Variants in FAM117A observed in about 807,000 individuals in gnomAD.
FAM117A encodes the protein family with sequence similarity 117 member A.
In FAM117A, 21 loss-of-function variants were observed where a neutral mutation model predicts 44.1. The ratio of observed to expected loss-of-function variants is 0.48; its 90% CI spans 0.34 to 0.69. The LOEUF (loss-of-function observed/expected upper bound fraction) is 0.69, where lower values mean the gene tolerates loss of function less well. Ranked by LOEUF, FAM117A falls within the 30% of genes least tolerant of loss-of-function variation. The probability of loss-of-function intolerance (pLI) is 0.01; values close to 1 mark genes in which losing one functional copy is unlikely to be tolerated. For synonymous variants in FAM117A, 220 were observed against 238.3 expected (o/e 0.92, Z 0.71); for missense variants, 498 against 589.9 (o/e 0.84, Z 1.61).
intron 7 of FAM117A, among the ~76,000 whole-genome samples, chr17:49,713,109 A>C (rs2073486177): frequency 6.6e-6 from 1 of 152,132 alleles, no homozygotes; most frequent in African/African-American, 2.4e-5. Context: ...GCTGGTCTTG[A>C]ACTCCTGGGC....
At chr17:49,755,038 CAAAAAAAAAAAAA>C (rs199709334) in intron 1 of FAM117A, among the ~76,000 whole-genome samples, 1 of 43,246 alleles carries the variant, frequency 2.3e-5, no homozygotes, top group Admixed American at 2.2e-4. Context: ...AACTCCGTCT[CAAAAAAAAAAAAA>C]AAAAAAAAAG....
chr17:49,753,103 T>G (rs867224135), intron 1 of FAM117A, among the ~76,000 whole-genome samples: 15 of 152,150 alleles, frequency 9.9e-5, no homozygotes, highest in Middle Eastern at 3.2e-3. Flanking sequence ...CCTCAAGTGA[T>G]CTGCCCGCCT....
intron 1 of FAM117A, among the ~76,000 whole-genome samples, chr17:49,761,082 T>C (rs913326244): frequency 5.3e-5 from 8 of 152,160 alleles, no homozygotes; most frequent in African/African-American, 1.9e-4. Flanking sequence ...TAATATATCT[T>C]GTCAAGAACA....
At chr17:49,724,268 G>A in intron 2 of FAM117A, 1 of 445,958 alleles carries the variant, frequency 2.2e-6, no homozygotes, top group South Asian at 1.6e-5. Context: ...GCTAATCGAA[G>A]CTGGGCCCCG....
At chr17:49,719,435 G>A (rs926070500) in intron 5 of FAM117A, among the ~76,000 whole-genome samples, 1 of 152,210 alleles carries the variant, frequency 6.6e-6, no homozygotes, top group African/African-American at 2.4e-5. Context: ...CCATGCCGGT[G>A]CCGAGCACAC....
intron 1 of FAM117A, among the ~76,000 whole-genome samples, chr17:49,770,773 G>A (rs982215787): frequency 9.9e-5 from 15 of 152,124 alleles, no homozygotes; most frequent in African/African-American, 3.4e-4. Flanking sequence ...GTGTGGTGGT[G>A]CACGCCTGTA....
chr17:49,740,138 T>C (rs1418092459), intron 1 of FAM117A, among the ~76,000 whole-genome samples: 1 of 152,210 alleles, frequency 6.6e-6, no homozygotes, highest in East Asian at 1.9e-4. Context: ...TATCTGCCTG[T>C]TGGGGGAAAG....
intron 1 of FAM117A, among the ~76,000 whole-genome samples, chr17:49,753,091 G>A (rs183123002): frequency 1.0e-3 from 152 of 152,254 alleles, no homozygotes; most frequent in African/African-American, 3.4e-3. Flanking sequence ...TCAAACTCCT[G>A]ACCTCAAGTG....
intron 2 of FAM117A, 27 bp downstream of exon 2, chr17:49,732,524 T>C: frequency 1.9e-6 from 3 of 1,612,890 alleles, no homozygotes; most frequent in Non-Finnish European, 2.5e-6. Context: ...CCTTATCCCT[T>C]ATCCCATCAG....
intron 1 of FAM117A, among the ~76,000 whole-genome samples, chr17:49,782,488 G>C (rs954468779): frequency 4.0e-5 from 6 of 149,174 alleles, no homozygotes; most frequent in African/African-American, 1.5e-4. Context: ...CCACGAGTTT[G>C]AGACCAGCCC....
intron 1 of FAM117A, among the ~76,000 whole-genome samples, chr17:49,761,629 C>T (rs1416475190): frequency 2.6e-5 from 4 of 152,202 alleles, no homozygotes; most frequent in East Asian, 1.9e-4. Context: ...CAGTGCCAAT[C>T]TCTTAAAGGT....
chr17:49,764,142 C>T (rs548036720), upstream of FAM117A: 27 of 902,954 alleles, frequency 3.0e-5, no homozygotes, highest in African/African-American at 4.3e-4. Context: ...AGCCCCCCAA[C>T]CCCCGAGGCC....
rs1182238605 is a variant in FAM117A at position 49,758,621 on chromosome 17, CA to C, written c.196+5270del. 2.7e-3 allele frequency among the ~76,000 whole-genome samples: 255 copies of C among 93,862 alleles called. 4 individuals carry two copies. The highest frequency in any genetic ancestry group is 0.011 in the Admixed American group (90 of 8,116). 61.6% of individuals were successfully genotyped at this position (93,862 alleles called of 152,430 possible). On this transcript the variant is annotated intron_variant, in intron 1 of 7. Transcript: ENST00000240364. ...CCTGGGTGACAAAGCGAGACTGTCT[CA>C]AAAAAAAAAAAAAATAAAATAAATA...
At chr17:49,729,297 TGGGAATGCCAG>T (rs548630328) in intron 2 of FAM117A, among the ~76,000 whole-genome samples, 1 of 152,076 alleles carries the variant, frequency 6.6e-6, no homozygotes, top group African/African-American at 2.4e-5. Context: ...AGGCATGCCC[TGGGAATGCCAG>T]GGCTGCTGGC....
At chr17:49,770,234 C>T (rs141204836) in intron 1 of FAM117A, among the ~76,000 whole-genome samples, 1 of 139,154 alleles carries the variant, frequency 7.2e-6, no homozygotes, top group Non-Finnish European at 1.5e-5. Flanking sequence ...CGCGCCACTG[C>T]ACTCCAGCCT....
intron 1 of FAM117A, among the ~76,000 whole-genome samples, chr17:49,754,778 C>A (rs1245720408): frequency 1.3e-5 from 2 of 152,016 alleles, no homozygotes; most frequent in Non-Finnish European, 2.9e-5. Context: ...GTGGCTCACA[C>A]CTGTAATCCC....
chr17:49,782,071 T>C (rs2073791108), intron 1 of FAM117A, among the ~76,000 whole-genome samples: 1 of 151,778 alleles, frequency 6.6e-6, no homozygotes, highest in Admixed American at 6.6e-5. Flanking sequence ...TGGAAGGCAA[T>C]ATACAAAAAA....
At chr17:49,788,180 G>T (rs748862603) in intron 1 of FAM117A, among the ~76,000 whole-genome samples, 1 of 152,178 alleles carries the variant, frequency 6.6e-6, no homozygotes, top group Admixed American at 6.5e-5. Context: ...GACGCTATCC[G>T]TTAGTTCCTT....
chr17:49,788,796 G>A, upstream of FAM117A: 2 of 1,571,458 alleles, frequency 1.3e-6, no homozygotes, highest in Non-Finnish European at 1.7e-6. Context: ...TGCTGCCGCC[G>A]CTGCCCGAAT....
Sources: gnomAD v4.1 joint callset for allele counts (sites outside exome capture counted in the v4.1 genomes callset) on GRCh38, gnomAD v4.1.1 for gene constraint, MANE v1.5 for transcripts, NCBI Gene and HGNC (gene_info 2026-07-23, HGNC 2026-07-21) for gene names.